The following ZFP62 variants were observed in gnomAD, a reference collection of about 807,000 sequenced individuals.
ZFP62 encodes ZFP62 zinc finger protein.
In ZFP62, 44 loss-of-function variants were observed where a neutral mutation model predicts 56.4. That is an observed-to-expected ratio of 0.78 (90% CI 0.61 to 1.00). ZFP62 has a LOEUF of 1.00. Ranked by LOEUF, ZFP62 falls within the 50% of genes least tolerant of loss-of-function variation. ZFP62 has a pLI of 0.00. For missense variants in ZFP62, 1,030 were observed against 1,085.7 expected, an observed-to-expected ratio of 0.95 and a Z score of 0.72; for synonymous variants, 421 against 388.9, an observed-to-expected ratio of 1.08 and a Z score of -0.97.
chr5:180,850,140 T>C lies in ZFP62; in HGVS notation c.1355A>G (p.Asp452Gly). 2.6e-6 allele frequency: 4 copies of C among 1,551,768 alleles called. No homozygotes were observed. The highest frequency in any genetic ancestry group is 1.4e-5 in the African/African-American group (1 of 73,164). Residue 452 changes from aspartate (D) to glycine (G), a missense_variant, in exon 2 of 2, where the codon GAT (aspartate) becomes GGT (glycine). Coordinates refer to ENST00000502412, the MANE Select transcript of ZFP62 (RefSeq NM_001172638.2). ...IHTGERPYVC[D>G]VCGKTFRNNA... ...GTTTCTGAACGTTTTCCCACACACA[T>C]CACATACATAAGGTCTCTCTCCGGT...
intron 1 of ZFP62, 70 bp downstream of exon 1, chr5:180,861,149 G>C (rs370965840): frequency 4.3e-5 from 17 of 398,774 alleles, no homozygotes; most frequent in East Asian, 2.9e-4. Flanking sequence ...GCCAAGACCC[G>C]GCCAAAAAGG....
chr5:180,832,229 G>A, the ZFP62 span, among the ~76,000 whole-genome samples: 1 of 152,164 alleles, frequency 6.6e-6, no homozygotes, highest in Non-Finnish European at 1.5e-5. Flanking sequence ...ATGGCTCACT[G>A]CAGCCTCAAC....
rs1328960594 is a variant in ZFP62, at chr5:180,848,742, T to A, written c.*50A>T. 1 of 1,461,614 alleles carries A rather than the reference T, an allele frequency of 6.8e-7. No individual in the cohort carries two copies. The highest frequency in any genetic ancestry group is 1.5e-5 in the South Asian group (1 of 68,230). The allele number at this position is 1,461,614 out of a possible 1,614,324, so 90.5% of individuals were successfully genotyped here. A position where few individuals can be genotyped will look rare whatever the true frequency, so the allele number is the denominator to read the frequency against. On this transcript the variant is annotated 3_prime_UTR_variant, in exon 2 of 2. Coordinates refer to ENST00000502412, the MANE Select transcript of ZFP62 (RefSeq NM_001172638.2). ...ATGACCCCCTACATTCTTACATTCA[T>A]AAGGTATTTCTTCCATTTGAGTTCG... is the stretch of plus-strand genomic sequence containing the variant.
At chr5:180,843,438 C>T (rs528785547), downstream of ZFP62, among the ~76,000 whole-genome samples, 3 of 152,164 alleles carry the variant, frequency 2.0e-5, no homozygotes, top group African/African-American at 7.2e-5. Flanking sequence ...AAACTATATG[C>T]TATTTCCAAG....
At chr5:180,842,280 G>T in the ZFP62 span, among the ~76,000 whole-genome samples, 2 of 151,936 alleles carry the variant, frequency 1.3e-5, no homozygotes, top group Non-Finnish European at 2.9e-5. Flanking sequence ...AGTCCTAGAA[G>T]GAAATGAAAA....
At chr5:180,840,207 A>G in the ZFP62 span, among the ~76,000 whole-genome samples, 2 of 152,162 alleles carry the variant, frequency 1.3e-5, no homozygotes, top group Non-Finnish European at 2.9e-5. Context: ...GGCACAGTGG[A>G]CAGTGGTCTT....
chr5:180,827,552 A>G, the ZFP62 span, among the ~76,000 whole-genome samples: 1 of 152,332 alleles, frequency 6.6e-6, no homozygotes, highest in East Asian at 1.9e-4. Context: ...CAGGGACACA[A>G]ACACTGCGGA....
At chr5:180,857,086 C>T (rs1303693044) in intron 1 of ZFP62, among the ~76,000 whole-genome samples, 2 of 151,892 alleles carry the variant, frequency 1.3e-5, no homozygotes, top group African/African-American at 4.8e-5. Flanking sequence ...TGGTGTTCAC[C>T]CCCCGAAGAC....
At position 180,861,205 on chromosome 5, in the gene ZFP62, G is replaced by A. The variant is rs1561913115; in HGVS notation, c.1+14C>T. The A allele has an allele frequency of 2.5e-6, 1 of 398,320 alleles. No individual in the cohort carries two copies. The highest frequency in any genetic ancestry group is 4.4e-6 in the Non-Finnish European group (1 of 225,818). The allele number at this position is 398,320 out of a possible 1,614,324, so 24.7% of individuals were successfully genotyped here. A position where few individuals can be genotyped will look rare whatever the true frequency, so the allele number is the denominator to read the frequency against. On this transcript the variant is annotated intron_variant, in intron 1 of 1. Coordinates refer to ENST00000502412, the MANE Select transcript of ZFP62 (RefSeq NM_001172638.2). ...GCCGGGGGCGGGAGCGCGGGCGGCCGCGGACTCACGTACTGGCTGTGGCGG... is the reference window on the plus strand; with the variant it reads ...GCCGGGGGCGGGAGCGCGGGCGGCCACGGACTCACGTACTGGCTGTGGCGG...
At chr5:180,836,246 G>A in the ZFP62 span, among the ~76,000 whole-genome samples, 3 of 152,328 alleles carry the variant, frequency 2.0e-5, no homozygotes, top group African/African-American at 7.2e-5. Context: ...AAACTGAGAA[G>A]CTTAAGTAAC....
At chr5:180,828,825 A>G in the ZFP62 span, among the ~76,000 whole-genome samples, 2,593 of 152,312 alleles carry the variant, frequency 0.017, 68 homozygotes, top group African/African-American at 0.059. Flanking sequence ...CTATAAATGG[A>G]CGTGCAAGTA....
rs1176220678 is a variant in ZFP62, at chr5:180,848,736, C to T, written c.*56G>A. ...CAAGCCATGACCCCCTACATTCTTA[C>T]ATTCATAAGGTATTTCTTCCATTTG... On this transcript the variant is annotated 3_prime_UTR_variant, in exon 2 of 2. Coordinates refer to ENST00000502412, the MANE Select transcript of ZFP62 (RefSeq NM_001172638.2). The T allele has an allele frequency of 2.1e-6, 3 of 1,455,326 alleles. No homozygotes were observed. Among genetic ancestry groups the T allele is most frequent in the Non-Finnish European group, 2.7e-6 (3 of 1,100,830 alleles). The allele number at this position is 1,455,326 out of a possible 1,614,324, so 90.2% of individuals were successfully genotyped here. A position where few individuals can be genotyped will look rare whatever the true frequency, so the allele number is the denominator to read the frequency against.
At chr5:180,832,003 C>G in the ZFP62 span, 1 of 153,538 alleles carries the variant, frequency 6.5e-6, no homozygotes, top group South Asian at 2.1e-4. Flanking sequence ...TCCCCAGAAT[C>G]GCTTGAACCT....
chr5:180,851,911 G>A, intron 1 of ZFP62: 1 of 615,388 alleles, frequency 1.6e-6, no homozygotes, highest in Non-Finnish European at 2.0e-6. Context: ...CAAAAGTTAG[G>A]TAAAACTTTT....
chr5:180,848,155 G>A lies in ZFP62; in HGVS notation c.*637C>T. ...TCATCAATTTGCATTTTTTATGAGT[G>A]ACTCTCTCCTATCTCCTGTTAGACT... On this transcript the variant is annotated 3_prime_UTR_variant, in exon 2 of 2. Transcript: ENST00000502412. The A allele has an allele frequency of 2.0e-6, 2 of 985,304 alleles. No homozygotes were observed. The highest frequency in any genetic ancestry group is 2.4e-6 in the Non-Finnish European group (2 of 829,884). 61.0% of individuals were successfully genotyped at this position (985,304 alleles called of 1,614,324 possible). A position where few individuals can be genotyped will look rare whatever the true frequency, so the allele number is the denominator to read the frequency against.
chr5:180,838,465 A>G, the ZFP62 span, among the ~76,000 whole-genome samples: 1 of 152,244 alleles, frequency 6.6e-6, no homozygotes, highest in Non-Finnish European at 1.5e-5. Context: ...TCTTTGCTCT[A>G]AAGGACATTA....
At chr5:180,852,853 CATA>C (rs1170124159) in intron 1 of ZFP62, among the ~76,000 whole-genome samples, 5 of 152,184 alleles carry the variant, frequency 3.3e-5, no homozygotes, top group African/African-American at 4.8e-5. Context: ...CGACTTGATT[CATA>C]ATGAGAGAAA....
the ZFP62 span, chr5:180,830,459 A>C: frequency 6.6e-6 from 1 of 152,394 alleles, no homozygotes; most frequent in Non-Finnish European, 1.5e-5. Flanking sequence ...ACAAGATAAA[A>C]GGAGCTCCCT....
the ZFP62 span, among the ~76,000 whole-genome samples, chr5:180,827,461 T>C: frequency 1.3e-5 from 2 of 151,672 alleles, no homozygotes; most frequent in African/African-American, 4.8e-5. Flanking sequence ...TTAAGGGCTG[T>C]GCAGGGTGTG....
Sources: allele counts gnomAD v4.1 joint callset (sites outside exome capture counted in the v4.1 genomes callset), GRCh38; gene constraint gnomAD v4.1.1; transcripts MANE v1.5; gene names NCBI Gene and HGNC (gene_info 2026-07-23, HGNC 2026-07-21).